PKP4: variants seen among roughly 807,000 people sequenced by gnomAD.
PKP4 encodes plakophilin 4.
Under a neutral mutation model 145.1 loss-of-function variants are expected in PKP4, and 90 were observed. The observed-to-expected ratio is 0.62, with a 90% CI of 0.52 to 0.74. The LOEUF (loss-of-function observed/expected upper bound fraction) is 0.74. PKP4 is among the 30% of genes least tolerant of loss of function. The pLI is 0.00. For missense variants in PKP4, 1,340 were observed against 1,482.7 expected (o/e 0.90, Z 1.58); for synonymous variants, 563 against 577.2 (o/e 0.98, Z 0.35).
chr2:158,595,696 G>A (rs765927860), intron 3 of PKP4, among the ~76,000 whole-genome samples: 18 of 152,240 alleles, frequency 1.2e-4, no homozygotes, highest in Middle Eastern at 3.4e-3. Context: ...AATTAATGAC[G>A]ATATAGAAAT....
At chr2:158,551,689 C>T (rs1392982243) in intron 2 of PKP4, among the ~76,000 whole-genome samples, 1 of 152,036 alleles carries the variant, frequency 6.6e-6, no homozygotes, top group Non-Finnish European at 1.5e-5. Flanking sequence ...TGCTAATTTA[C>T]CAGTACTTAT....
intron 1 of PKP4, among the ~76,000 whole-genome samples, chr2:158,513,538 C>G (rs964271507): frequency 1.3e-5 from 2 of 152,140 alleles, no homozygotes; most frequent in African/African-American, 4.8e-5. Flanking sequence ...GAGATTTCTT[C>G]TTTTTGATGT....
intron 6 of PKP4, among the ~76,000 whole-genome samples, 200 bp downstream of exon 6, chr2:158,621,621 C>T (rs1214574358): frequency 6.6e-6 from 1 of 152,042 alleles, no homozygotes; most frequent in Non-Finnish European, 1.5e-5. Flanking sequence ...TGGCGGGCGC[C>T]TGTAATCTCA....
At chr2:158,644,358 G>A (rs146407916) in intron 11 of PKP4, among the ~76,000 whole-genome samples, 140 of 152,336 alleles carry the variant, frequency 9.2e-4, no homozygotes, top group African/African-American at 3.2e-3. Flanking sequence ...GGAGAAGTGA[G>A]TAATGCCTGG....
At chr2:158,473,725 GA>G (rs1691982321) in intron 1 of PKP4, among the ~76,000 whole-genome samples, 1 of 152,118 alleles carries the variant, frequency 6.6e-6, no homozygotes, top group African/African-American at 2.4e-5. Context: ...CCTGGGTGAT[GA>G]AATAATATGT....
intron 2 of PKP4, among the ~76,000 whole-genome samples, chr2:158,544,128 T>TA (rs1339848268): frequency 3.3e-5 from 5 of 152,160 alleles, no homozygotes; most frequent in African/African-American, 9.7e-5. Flanking sequence ...TGCCAGGGCT[T>TA]ACTAGAGCCA....
rs996573738 is a variant in PKP4 at position 158,526,013 on chromosome 2, G to A, written c.-5-7167G>A. The stretch of plus-strand genomic sequence containing the variant: ...ATCAATAGTTTACCAACCAAAAAGA[G>A]TCCAGGACCAGATGGATTCACAGCC... On this transcript the variant is annotated intron_variant, in intron 1 of 21. Coordinates refer to ENST00000389759, the MANE Select transcript of PKP4 (RefSeq NM_003628.6). 1.9e-4 allele frequency among the ~76,000 whole-genome samples: 29 copies of A among 151,440 alleles called. No homozygotes were observed. The East Asian group carries it at 3.7e-3, about 20-fold the overall frequency.
chr2:158,635,941 A>G (rs2053772553), intron 9 of PKP4, among the ~76,000 whole-genome samples: 1 of 152,086 alleles, frequency 6.6e-6, no homozygotes, highest in Admixed American at 6.5e-5. Flanking sequence ...TACAAGTTTT[A>G]TTCACTTGTA....
chr2:158,663,474 C>T (rs772759576), intron 15 of PKP4, 29 bp downstream of exon 15: 2 of 1,576,916 alleles, frequency 1.3e-6, no homozygotes. Context: ...ATCTACACTT[C>T]TTTCCATCTT....
intron 16 of PKP4, among the ~76,000 whole-genome samples, chr2:158,667,248 G>A (rs2057180425): frequency 1.3e-5 from 2 of 152,186 alleles, no homozygotes; most frequent in Non-Finnish European, 2.9e-5. Context: ...GAAGACATCA[G>A]GGACCCCCAT....
At chr2:158,496,848 T>C (rs1473505387) in intron 1 of PKP4, among the ~76,000 whole-genome samples, 2 of 151,810 alleles carry the variant, frequency 1.3e-5, no homozygotes, top group African/African-American at 4.8e-5. Context: ...CCTGGGTAGG[T>C]GGTTCTTGAT....
intron 7 of PKP4, 112 bp downstream of exon 7, chr2:158,625,539 C>G (rs983778027): frequency 2.3e-6 from 2 of 869,228 alleles, no homozygotes; most frequent in South Asian, 2.0e-5. Flanking sequence ...TTTTTAATCT[C>G]AGATTTTAAA....
intron 3 of PKP4, among the ~76,000 whole-genome samples, chr2:158,590,036 C>T (rs1231029245): frequency 6.6e-6 from 1 of 152,070 alleles, no homozygotes; most frequent in Non-Finnish European, 1.5e-5. Flanking sequence ...TTTATATTGT[C>T]TGAATTGTTA....
At chr2:158,550,944 C>T (rs2045567763) in intron 2 of PKP4, among the ~76,000 whole-genome samples, 2 of 152,192 alleles carry the variant, frequency 1.3e-5, no homozygotes, top group Admixed American at 6.5e-5. Flanking sequence ...AGAAAGAAGA[C>T]TACATTGCCT....
chr2:158,640,634 G>A lies in PKP4; in HGVS notation c.1570G>A (p.Ala524Thr). The change falls in exon 10 of 22, where the codon GCC becomes ACC. Residue 524 changes from alanine to threonine, a missense_variant. Transcript: ENST00000389759. ...CATGTTTTTCTCATGTAGGGAGTTT[G>A]CCTGGCGTGATCCTGAGTTGCCTGA... ...DSIQKDPREF[A>T]WRDPELPEVI... 6.2e-7 allele frequency: 1 copy of A among 1,612,972 alleles called. No individual in the cohort carries two copies. The highest frequency in any genetic ancestry group is 1.3e-5 in the African/African-American group (1 of 74,954).
intron 1 of PKP4, among the ~76,000 whole-genome samples, chr2:158,496,913 G>A (rs1695826233): frequency 6.6e-6 from 1 of 151,858 alleles, no homozygotes; most frequent in Non-Finnish European, 1.5e-5. Context: ...AGACATTTAG[G>A]TTCCTGCACT....
intron 1 of PKP4, among the ~76,000 whole-genome samples, chr2:158,525,898 TTCC>T (rs2042882152): frequency 6.6e-6 from 1 of 150,874 alleles, no homozygotes; most frequent in Non-Finnish European, 1.5e-5. Context: ...AATGGATAAA[TTCC>T]TCGACACGTA....
intron 1 of PKP4, among the ~76,000 whole-genome samples, chr2:158,481,911 G>T (rs1693412525): frequency 6.6e-6 from 1 of 152,100 alleles, no homozygotes; most frequent in Admixed American, 6.5e-5. Flanking sequence ...TTATTGAAAT[G>T]GTGCCAAATT....
At chr2:158,584,275 G>A (rs76009351) in intron 3 of PKP4, among the ~76,000 whole-genome samples, 2 of 152,182 alleles carry the variant, frequency 1.3e-5, no homozygotes, top group Non-Finnish European at 2.9e-5. Context: ...AGCCAAGCAC[G>A]TACACCAAAT....
Sources: gnomAD v4.1 joint callset for allele counts (sites outside exome capture counted in the v4.1 genomes callset) on GRCh38, gnomAD v4.1.1 for gene constraint, MANE v1.5 for transcripts, NCBI Gene and HGNC (gene_info 2026-07-23, HGNC 2026-07-21) for gene names.